ACACA: variants seen among roughly 807,000 people sequenced by gnomAD.
ACACA encodes acetyl-CoA carboxylase 1.
In ACACA, 103 loss-of-function variants were observed where a neutral mutation model predicts 296.1. The ratio of observed to expected loss-of-function variants is 0.35; its 90% CI spans 0.30 to 0.41. ACACA has a LOEUF of 0.41. ACACA is among the 10% of genes least tolerant of loss of function. The probability of loss-of-function intolerance (pLI) is 1.00; values close to 1 mark genes in which losing one functional copy is unlikely to be tolerated. For synonymous variants in ACACA, 953 were observed against 1,038.6 expected (o/e 0.92, Z 1.58); for missense variants, 1,554 against 2,989.7 (o/e 0.52, Z 11.20).
intron 1 of ACACA, among the ~76,000 whole-genome samples, chr17:37,390,330 A>ATATATATATAATATATATATATC (rs1386032855): frequency 4.8e-5 from 2 of 41,592 alleles, no homozygotes; most frequent in Admixed American, 5.0e-4. Flanking sequence ...ATATATATAT[A>ATATATATATAATATATATATATC]TATAAAAGGC....
chr17:37,311,608 G>T (rs1393888784), intron 3 of ACACA, among the ~76,000 whole-genome samples: 1 of 152,080 alleles, frequency 6.6e-6, no homozygotes, highest in Non-Finnish European at 1.5e-5. Flanking sequence ...GGCACAAATG[G>T]AACTGCTGGT....
At chr17:37,237,359 A>AT (rs2080160561) in intron 24 of ACACA, among the ~76,000 whole-genome samples, 1 of 152,196 alleles carries the variant, frequency 6.6e-6, no homozygotes, top group Non-Finnish European at 1.5e-5. Context: ...CATGTGTAAT[A>AT]GTTTCTCTAA....
At chr17:37,335,806 C>G (rs1400939906) in intron 2 of ACACA, among the ~76,000 whole-genome samples, 2 of 152,192 alleles carry the variant, frequency 1.3e-5, no homozygotes, top group African/African-American at 4.8e-5. Flanking sequence ...AGCAGTAGTC[C>G]TTCAAAATCG....
chr17:37,372,742 G>A (rs1568068041), intron 1 of ACACA, among the ~76,000 whole-genome samples: 1 of 152,114 alleles, frequency 6.6e-6, no homozygotes, highest in African/African-American at 2.4e-5. Flanking sequence ...TTTGTTGTGG[G>A]AAAAGGAGAT....
chr17:37,309,456 T>C (rs1421142534), intron 3 of ACACA, among the ~76,000 whole-genome samples: 1 of 152,064 alleles, frequency 6.6e-6, no homozygotes, highest in Admixed American at 6.6e-5. Context: ...AATATATTAC[T>C]AAAAACATTA....
chr17:37,242,206 T>C (rs2080448199), intron 22 of ACACA, among the ~76,000 whole-genome samples, 153 bp from the exon 23 acceptor site: 1 of 152,160 alleles, frequency 6.6e-6, no homozygotes, highest in African/African-American at 2.4e-5. Flanking sequence ...CCAGGCGTAG[T>C]CTATATAGAG....
At chr17:37,346,316 C>CAA (rs35348805) in intron 1 of ACACA, among the ~76,000 whole-genome samples, 3,069 of 115,824 alleles carry the variant, frequency 0.026, 86 homozygotes, top group African/African-American at 0.057. Context: ...GACTCTCTCT[C>CAA]AAAAAAAAAA....
chr17:37,216,159 A>ACACCC (rs1598205866), intron 29 of ACACA, among the ~76,000 whole-genome samples: 22 of 90,868 alleles, frequency 2.4e-4, no homozygotes, highest in African/African-American at 8.2e-4. Flanking sequence ...CACACACACA[A>ACACCC]CATACACATG....
chr17:37,327,874 G>T (rs1280199470), intron 3 of ACACA, among the ~76,000 whole-genome samples: 2 of 152,106 alleles, frequency 1.3e-5, no homozygotes, highest in African/African-American at 4.8e-5. Flanking sequence ...TCCTTTGTCC[G>T]ATAAATGCAA....
In ACACA at chr17:37,359,811, GC is replaced by G. The variant is rs1272128542; in HGVS notation, c.39-19962del. ...ACCCCATGCTGGAACTCCATAACCA[GC>G]CCCCCGTTTCGCTCCTCAGCCCCGA... On this transcript the variant is annotated intron_variant, in intron 1 of 55. Coordinates refer to ENST00000616317, the MANE Select transcript of ACACA (RefSeq NM_198834.3). Among the ~76,000 whole-genome samples, 26 of 152,150 alleles carry G rather than the reference GC, an allele frequency of 1.7e-4. 2 individuals carry two copies. The East Asian group carries it at 5.0e-3, about 29-fold the overall frequency.
chr17:37,127,489 G>T (rs145803014), intron 47 of ACACA, among the ~76,000 whole-genome samples: 3 of 152,198 alleles, frequency 2.0e-5, no homozygotes, highest in African/African-American at 7.2e-5. Flanking sequence ...GTATTTCCCA[G>T]GAAAAAACTC....
chr17:37,319,705 C>A (rs1454229735), intron 3 of ACACA, among the ~76,000 whole-genome samples: 1 of 152,014 alleles, frequency 6.6e-6, no homozygotes, highest in Non-Finnish European at 1.5e-5. Flanking sequence ...GTAATCCCAG[C>A]ATTTTGGGAG....
chr17:37,169,968 C>T (rs999623943), intron 41 of ACACA, among the ~76,000 whole-genome samples: 11 of 152,156 alleles, frequency 7.2e-5, no homozygotes, highest in South Asian at 2.1e-4. Context: ...GTGCCAGTGT[C>T]GTCTTCTCTG....
chr17:37,364,058 G>C (rs1257820252), intron 1 of ACACA, among the ~76,000 whole-genome samples: 1 of 152,160 alleles, frequency 6.6e-6, no homozygotes, highest in Non-Finnish European at 1.5e-5. Flanking sequence ...AGGAGGCAGA[G>C]GTTGCAGTGA....
intron 1 of ACACA, chr17:37,378,044 A>T: frequency 7.7e-7 from 1 of 1,293,048 alleles, no homozygotes; most frequent in Non-Finnish European, 1.1e-6. Context: ...TCATCTTCCC[A>T]CTTCCTAGCC....
intron 1 of ACACA, chr17:37,375,905 C>T: frequency 1.9e-6 from 1 of 515,364 alleles, no homozygotes; most frequent in Non-Finnish European, 3.5e-6. Context: ...CAGAATTAGC[C>T]CTTTCTCCAA....
At chr17:37,145,823 G>A (rs543374761) in intron 45 of ACACA, among the ~76,000 whole-genome samples, 3 of 152,192 alleles carry the variant, frequency 2.0e-5, no homozygotes, top group Non-Finnish European at 4.4e-5. Context: ...AATGTCAAAT[G>A]TGCTTAGTAA....
chr17:37,146,676 G>T (rs1411368763), intron 45 of ACACA, among the ~76,000 whole-genome samples: 2 of 133,410 alleles, frequency 1.5e-5, no homozygotes, highest in Non-Finnish European at 3.2e-5. Flanking sequence ...GGAAGGGGGG[G>T]GCAGAGGAGG....
chr17:37,343,956 T>C (rs1229641082), intron 1 of ACACA, among the ~76,000 whole-genome samples: 2 of 151,844 alleles, frequency 1.3e-5, no homozygotes, highest in Admixed American at 6.6e-5. Flanking sequence ...GTGTTCCAAA[T>C]AGTGAAACAG....
Sources: allele counts gnomAD v4.1 joint callset (sites outside exome capture counted in the v4.1 genomes callset), GRCh38; gene constraint gnomAD v4.1.1; transcripts MANE v1.5; gene names NCBI Gene and HGNC (gene_info 2026-07-23, HGNC 2026-07-21).